RUFY3: variants seen among roughly 807,000 people sequenced by gnomAD.
The protein encoded by RUFY3 is protein RUFY3.
RUFY3 carries 34 observed loss-of-function variants against 84.0 expected under a neutral mutation model. That is an observed-to-expected ratio of 0.40 (90% CI 0.31 to 0.54). RUFY3 has a LOEUF of 0.54. RUFY3 is among the 20% of genes least tolerant of loss of function. RUFY3 has a pLI of 0.39. For synonymous variants in RUFY3, 242 were observed against 252.9 expected, an observed-to-expected ratio of 0.96 and a Z score of 0.41; for missense variants, 507 against 736.8, an observed-to-expected ratio of 0.69 and a Z score of 3.61.
chr4:70,806,635 G>A lies in RUFY3; in HGVS notation c.1839G>A (p.Lys613=). The A allele has an allele frequency of 1.9e-6, 3 of 1,614,096 alleles. No homozygotes were observed. The highest frequency in any genetic ancestry group is 2.5e-6 in the Non-Finnish European group (3 of 1,180,004). ...VCNPCHKHLM[K]QYSTSPS is the part of the protein sequence containing the mutation. ...ATCCCTGTCACAAGCATCTGATGAAGCAATATTCTACCAGCCCATCATAAG... is the reference window on the plus strand; with the variant it reads ...ATCCCTGTCACAAGCATCTGATGAAACAATATTCTACCAGCCCATCATAAG... Residue 613 remains lysine, a synonymous_variant, in exon 18 of 18, where the codon AAG becomes AAA. Coordinates refer to ENST00000381006, the MANE Select transcript of RUFY3 (RefSeq NM_001037442.4).
At chr4:70,778,844 T>G (rs1213501394) in intron 8 of RUFY3, among the ~76,000 whole-genome samples, 1 of 152,096 alleles carries the variant, frequency 6.6e-6, no homozygotes, top group Non-Finnish European at 1.5e-5. Context: ...CCTCCCAAAG[T>G]GCTGGGATTA....
At chr4:70,726,514 C>T (rs1177092276) in intron 1 of RUFY3, among the ~76,000 whole-genome samples, 2 of 152,204 alleles carry the variant, frequency 1.3e-5, no homozygotes, top group African/African-American at 2.4e-5. Context: ...GCTGGGATTA[C>T]AGGCATGCGC....
chr4:70,724,415 A>C (rs2148591149), intron 1 of RUFY3, among the ~76,000 whole-genome samples: 1 of 152,352 alleles, frequency 6.6e-6, no homozygotes, highest in Admixed American at 6.5e-5. Context: ...TTAACACCTC[A>C]AATATATGTT....
chr4:70,727,039 C>CT (rs1242842461), intron 1 of RUFY3, among the ~76,000 whole-genome samples: 8,085 of 113,264 alleles, frequency 0.071, 439 homozygotes, highest in African/African-American at 0.15. Flanking sequence ...GATTTCTTTC[C>CT]TTTTTTTTTT....
intron 8 of RUFY3, among the ~76,000 whole-genome samples, chr4:70,780,388 C>T (rs921547624): frequency 3.9e-5 from 6 of 152,070 alleles, no homozygotes; most frequent in Non-Finnish European, 7.4e-5. Context: ...CTCCACCTCC[C>T]GGTTCAAGCA....
At position 70,762,656 on chromosome 4, in the gene RUFY3, G is replaced by A. The variant is rs1408932827; in HGVS notation, c.316G>A (p.Val106Met). 1 of 1,613,652 alleles carries A rather than the reference G, an allele frequency of 6.2e-7. No individual in the cohort carries two copies. Among genetic ancestry groups the A allele is most frequent in the African/African-American group, 1.3e-5 (1 of 74,910 alleles). The part of the protein sequence containing the change: ...SDYAPLQQFF[V>M]VMEHCLKHGL... ...CTATGCACCTCTCCAGCAATTCTTT[G>A]TGGTGATGGAGCACTGTCTGAAACA... The change falls in exon 2 of 18, where the codon GTG becomes ATG. Residue 106 changes from valine to methionine, a missense_variant. This residue lies in a region of RUFY3 where 133 missense variants were observed against 301.1 expected (regional missense o/e 0.44). Coordinates refer to ENST00000381006, the MANE Select transcript of RUFY3 (RefSeq NM_001037442.4).
chr4:70,753,517 G>A (rs16845413), intron 1 of RUFY3, among the ~76,000 whole-genome samples: 8,157 of 152,174 alleles, frequency 0.054, 531 homozygotes, highest in African/African-American at 0.16. Context: ...GAGTGATCTA[G>A]GCCAGTGCTT....
intron 1 of RUFY3, among the ~76,000 whole-genome samples, chr4:70,712,974 G>A (rs969696764): frequency 3.9e-5 from 6 of 152,278 alleles, no homozygotes; most frequent in African/African-American, 1.2e-4. Context: ...GTAGCACACC[G>A]TAAGCATTAA....
rs1045846444 is a variant in RUFY3, at chr4:70,762,757, G to T, written c.352+65G>T. ...TTTTCTAGCAATGCATACTATAGAA[G>T]AAAGCATTCTTTGTGGAGCCAAAGA... is the stretch of plus-strand genomic sequence containing the variant. On this transcript the variant is annotated intron_variant, in intron 2 of 17. Transcript: ENST00000381006. 12 of 1,353,220 alleles carry T rather than the reference G, an allele frequency of 8.9e-6. No individual in the cohort carries two copies. In the African/African-American group the frequency reaches 1.6e-4, roughly 18 times the overall value. The allele number at this position is 1,353,220 out of a possible 1,614,324, so 83.8% of individuals were successfully genotyped here.
intron 13 of RUFY3, among the ~76,000 whole-genome samples, chr4:70,794,323 GTA>G (rs1731238078): frequency 2.6e-5 from 4 of 152,296 alleles, no homozygotes; most frequent in African/African-American, 7.2e-5. Flanking sequence ...GTTCATGCCT[GTA>G]ATCCCAGCAC....
At chr4:70,746,201 C>T (rs1247861592) in intron 1 of RUFY3, among the ~76,000 whole-genome samples, 1 of 152,066 alleles carries the variant, frequency 6.6e-6, no homozygotes, top group African/African-American at 2.4e-5. Flanking sequence ...AAAAGTTAGC[C>T]AGGTATGGTG....
At chr4:70,765,181 C>G (rs1382163119) in intron 4 of RUFY3, among the ~76,000 whole-genome samples, 1 of 123,870 alleles carries the variant, frequency 8.1e-6, no homozygotes, top group African/African-American at 3.2e-5. Flanking sequence ...GAGTGAGACT[C>G]TGTCTCAAAA....
In RUFY3 at chr4:70,808,306, A is replaced by AAAC. The variant is rs1362882493; in HGVS notation, c.*1648_*1650dup. Among the ~76,000 whole-genome samples the AAAC allele has an allele frequency of 6.6e-6, 1 of 151,662 alleles. No homozygotes were observed. Among genetic ancestry groups the AAAC allele is most frequent in the Non-Finnish European group, 1.5e-5 (1 of 68,036 alleles). On this transcript the variant is annotated 3_prime_UTR_variant, in exon 18 of 18. Coordinates refer to ENST00000381006, the MANE Select transcript of RUFY3 (RefSeq NM_001037442.4). Reference sequence around the variant, plus strand: ...ACATATCTATCTATCTTTGAGTAACAAACTCTTTGGGGGAAAAGAGGGAAG... The same window carrying AAAC: ...ACATATCTATCTATCTTTGAGTAACAAACAACTCTTTGGGGGAAAAGAGGGAAG...
At chr4:70,767,672 T>C (rs1231552183) in intron 4 of RUFY3, among the ~76,000 whole-genome samples, 3 of 151,894 alleles carry the variant, frequency 2.0e-5, no homozygotes, top group Non-Finnish European at 4.4e-5. Context: ...TAATTATCTA[T>C]GGGTCTTCAC....
rs750110771 is a variant in RUFY3 at position 70,806,695 on chromosome 4, C to T, written c.*36C>T. The T allele has an allele frequency of 2.2e-5, 35 of 1,612,166 alleles. No homozygotes were observed. In the African/African-American group the frequency reaches 4.0e-4, roughly 18 times the overall value. ...CAAGACCTGGACCAAAACGTTTATG[C>T]AGGCTCCTCTGTACCTGTGTTTTAG... is the stretch of plus-strand genomic sequence containing the variant. On this transcript the variant is annotated 3_prime_UTR_variant, in exon 18 of 18. Coordinates refer to ENST00000381006, the MANE Select transcript of RUFY3 (RefSeq NM_001037442.4).
At chr4:70,795,127 C>G (rs1731343243) in intron 14 of RUFY3, among the ~76,000 whole-genome samples, 1 of 152,186 alleles carries the variant, frequency 6.6e-6, no homozygotes, top group Non-Finnish European at 1.5e-5. Context: ...TTAATAATCA[C>G]AGTGACCCTA....
At chr4:70,747,931 T>C (rs1270115622) in intron 1 of RUFY3, among the ~76,000 whole-genome samples, 2 of 152,218 alleles carry the variant, frequency 1.3e-5, no homozygotes, top group Non-Finnish European at 2.9e-5. Context: ...TTTATCTCCA[T>C]AACAGTTACT....
At chr4:70,778,211 A>G (rs1728287946) in intron 7 of RUFY3, among the ~76,000 whole-genome samples, 158 bp from the exon 8 acceptor site, 1 of 152,154 alleles carries the variant, frequency 6.6e-6, no homozygotes, top group Non-Finnish European at 1.5e-5. Flanking sequence ...CTCCAGTCTC[A>G]GCGACACAAC....
Position 70,806,637 on chromosome 4 carries a change from A to G in RUFY3, c.1841A>G (p.Gln614Arg), listed in dbSNP as rs896963551. Residue 614 changes from glutamine to arginine, a missense_variant, in exon 18 of 18, where the codon CAA becomes CGA. Physicochemically the swap from Gln to Arg is conservative, Grantham distance 43. Around this residue, in one of 4 missense-constraint regions of RUFY3, gnomAD observed 334 missense variants for 364.1 expected, o/e 0.92. Transcript: ENST00000381006. ...CCCTGTCACAAGCATCTGATGAAGC[A>G]ATATTCTACCAGCCCATCATAAGAC... ...CNPCHKHLMK[Q>R]YSTSPS 1.6e-5 allele frequency: 26 copies of G among 1,614,014 alleles called. No homozygotes were observed. The highest frequency in any genetic ancestry group is 2.2e-5 in the Non-Finnish European group (26 of 1,180,010).
Sources: gnomAD v4.1 joint callset for allele counts (sites outside exome capture counted in the v4.1 genomes callset) on GRCh38, gnomAD v4.1.1 for gene constraint, gnomAD v4.1.1 regional missense constraint, MANE v1.5 for transcripts, NCBI Gene and HGNC (gene_info 2026-07-23, HGNC 2026-07-21) for gene names.